SVIL: variants seen among roughly 807,000 people sequenced by gnomAD.
SVIL encodes the protein archvillin.
Under a neutral mutation model 240.4 loss-of-function variants are expected in SVIL, and 101 were observed. The observed-to-expected ratio is 0.42, with a 90% confidence interval of 0.36 to 0.50. The LOEUF (loss-of-function observed/expected upper bound fraction) is 0.50, where lower values mean the gene tolerates loss of function less well. Ranked by LOEUF, SVIL falls within the 20% of genes least tolerant of loss-of-function variation. The pLI is 0.01. For missense variants in SVIL, 2,512 were observed against 2,818.7 expected, an observed-to-expected ratio of 0.89 and a Z score of 2.46; for synonymous variants, 999 against 1,100.0, an observed-to-expected ratio of 0.91 and a Z score of 1.82.
chr10:29,577,544 A>G (rs1232209329), intron 1 of SVIL, among the ~76,000 whole-genome samples: 1 of 152,228 alleles, frequency 6.6e-6, no homozygotes, highest in East Asian at 1.9e-4. Context: ...GAAGTATTCC[A>G]CAGTGTATAT....
At chr10:29,716,206 C>T (rs1963600725) in intron 1 of SVIL, among the ~76,000 whole-genome samples, 1 of 149,056 alleles carries the variant, frequency 6.7e-6, no homozygotes, top group Non-Finnish European at 1.5e-5. Context: ...TTTACACAGA[C>T]AGCACAAGTT....
intron 30 of SVIL, among the ~76,000 whole-genome samples, chr10:29,471,731 C>T (rs1009865133): frequency 3.3e-5 from 5 of 152,332 alleles, no homozygotes; most frequent in Admixed American, 1.3e-4. Flanking sequence ...TTAGAGAAGG[C>T]TCTTCCTTCA....
At chr10:29,501,087 T>C (rs1281412626) in intron 17 of SVIL, among the ~76,000 whole-genome samples, 20 of 152,110 alleles carry the variant, frequency 1.3e-4, no homozygotes, top group East Asian at 3.9e-4. Context: ...CTATAAAGCC[T>C]TCATAGCCAG....
Position 29,487,404 on chromosome 10 carries a change from C to T in SVIL, c.4349-105G>A, listed in dbSNP as rs1011293247. On this transcript the variant is annotated intron_variant, in intron 23 of 37. Transcript: ENST00000355867. ...GCGGACGCTTTCACTTCTAAAGAGT[C>T]TTGTCTGCTAATAAGAGTGCCCATG... 2.4e-6 allele frequency: 3 copies of T among 1,251,116 alleles called. No homozygotes were observed. The African/African-American group carries it at 4.5e-5, about 19-fold the overall frequency. 77.5% of individuals were successfully genotyped at this position (1,251,116 alleles called of 1,614,324 possible). A position where few individuals can be genotyped will look rare whatever the true frequency, so the allele number is the denominator to read the frequency against.
At chr10:29,494,267 A>C (rs1564514132) in intron 20 of SVIL, among the ~76,000 whole-genome samples, 1 of 152,092 alleles carries the variant, frequency 6.6e-6, no homozygotes, top group Non-Finnish European at 1.5e-5. Context: ...CCATGTGTGT[A>C]ATAAATGCGT....
chr10:29,519,897 C>T (rs1350944121), intron 16 of SVIL, among the ~76,000 whole-genome samples: 1 of 152,220 alleles, frequency 6.6e-6, no homozygotes, highest in East Asian at 1.9e-4. Context: ...CACTTCCGGG[C>T]TGTTCACAGA....
At chr10:29,522,264 T>C (rs1214821077) in intron 16 of SVIL, 146 bp downstream of exon 16, 7 of 834,584 alleles carry the variant, frequency 8.4e-6, no homozygotes, top group Middle Eastern at 2.4e-4. Flanking sequence ...CTCAGCTTCC[T>C]AGAATTACTC....
At chr10:29,496,623 C>T in intron 18 of SVIL, 2 of 267,188 alleles carry the variant, frequency 7.5e-6, no homozygotes, top group South Asian at 6.8e-5. Context: ...GCTAAGGATC[C>T]TTAGGGAATG....
chr10:29,470,804 AT>A (rs1375286988), intron 31 of SVIL, among the ~76,000 whole-genome samples: 2 of 151,894 alleles, frequency 1.3e-5, no homozygotes, highest in East Asian at 1.9e-4. Flanking sequence ...TAGAGCTAAG[AT>A]TTTTTTGGGG....
rs150768784 is a variant in SVIL at position 29,649,394 on chromosome 10, A to G, written c.-201+8575T>C. Among the ~76,000 whole-genome samples, 3 of 152,326 alleles carry G rather than the reference A, an allele frequency of 2.0e-5. No individual in the cohort carries two copies. In the East Asian group the frequency reaches 5.8e-4, roughly 29 times the overall value. On this transcript the variant is annotated intron_variant, in intron 3 of 35. Transcript: ENST00000375400. ...CCACGGCATGCCTCTTTCATATACAATAAAACACAACCAAGCAATTACAAC... is the reference window on the plus strand; with the variant it reads ...CCACGGCATGCCTCTTTCATATACAGTAAAACACAACCAAGCAATTACAAC...
Position 29,480,879 on chromosome 10 carries a change from A to T in SVIL, c.5101-66T>A, listed in dbSNP as rs1248295940. The T allele has an allele frequency of 2.0e-6, 3 of 1,533,268 alleles. No individual in the cohort carries two copies. The African/African-American group carries it at 4.1e-5, about 21-fold the overall frequency. The allele number at this position is 1,533,268 out of a possible 1,614,324, so 95.0% of individuals were successfully genotyped here. A position where few individuals can be genotyped will look rare whatever the true frequency, so the allele number is the denominator to read the frequency against. On this transcript the variant is annotated intron_variant, in intron 28 of 37. Coordinates refer to ENST00000355867, the MANE Select transcript of SVIL (RefSeq NM_021738.3). ...CTGCAGCTATTCCTTGTCATGCTCAATGCTGCTTCAGCTGTTCATGGGACA... is the reference window on the plus strand; with the variant it reads ...CTGCAGCTATTCCTTGTCATGCTCATTGCTGCTTCAGCTGTTCATGGGACA...
chr10:29,467,834 G>C lies in SVIL; in HGVS notation c.5885C>G (p.Thr1962Arg). ...EAGLHSSSKV[T>R]IHECDEGSEP... Reference sequence around the variant, plus strand: ...GGAGCCTTCATCACACTCGTGTATTGTGACTTTGCTGCTACTATGCAGTCC... The same window carrying C: ...GGAGCCTTCATCACACTCGTGTATTCTGACTTTGCTGCTACTATGCAGTCC... Residue 1962 changes from threonine (T) to arginine (R), a missense_variant, in exon 33 of 38, where the codon ACA becomes AGA. Transcript: ENST00000355867. The C allele has an allele frequency of 6.2e-7, 1 of 1,614,204 alleles. No individual in the cohort carries two copies. The highest frequency in any genetic ancestry group is 8.5e-7 in the Non-Finnish European group (1 of 1,180,026).
intron 1 of SVIL, among the ~76,000 whole-genome samples, chr10:29,579,781 G>A (rs989285561): frequency 6.6e-6 from 1 of 152,122 alleles, no homozygotes; most frequent in Non-Finnish European, 1.5e-5. Flanking sequence ...GAAAACGAGG[G>A]CAAAGCCAAG....
At position 29,470,313 on chromosome 10, in the gene SVIL, C is replaced by T. The variant is rs1945419787; in HGVS notation, c.5806G>A (p.Glu1936Lys). Residue 1936 changes from glutamate to lysine, a missense_variant, in exon 32 of 38, where the codon GAG (glutamate) becomes AAG (lysine). Physicochemically the swap from Glu to Lys is moderately conservative, Grantham distance 56. Coordinates refer to ENST00000355867, the MANE Select transcript of SVIL (RefSeq NM_021738.3). ...HGCKAQAHTK[E>K]VGRTAANKIK... Reference sequence around the variant, plus strand: ...TTGTTCGCAGCGGTCCTTCCGACCTCCTTCGTGTGGGCCTGGGCTTTGCAT... The same window carrying T: ...TTGTTCGCAGCGGTCCTTCCGACCTTCTTCGTGTGGGCCTGGGCTTTGCAT... The T allele has an allele frequency of 2.5e-6, 4 of 1,614,068 alleles. No individual in the cohort carries two copies. Among genetic ancestry groups the T allele is most frequent in the Non-Finnish European group, 3.4e-6 (4 of 1,180,040 alleles).
chr10:29,533,561 A>C (rs1045111311), intron 7 of SVIL, 103 bp from the exon 8 acceptor site: 1 of 1,454,958 alleles, frequency 6.9e-7, no homozygotes, highest in East Asian at 2.4e-5. Context: ...AACTGACCTG[A>C]GAGAGAATAA....
chr10:29,679,332 T>C (rs1960445346), intron 2 of SVIL, among the ~76,000 whole-genome samples: 1 of 152,208 alleles, frequency 6.6e-6, no homozygotes, highest in African/African-American at 2.4e-5. Flanking sequence ...AAATGACATA[T>C]ATTTGTGAGA....
At chr10:29,523,264 T>C (rs1458382190) in intron 15 of SVIL, among the ~76,000 whole-genome samples, 187 bp downstream of exon 15, 2 of 152,198 alleles carry the variant, frequency 1.3e-5, no homozygotes, top group South Asian at 2.1e-4. Context: ...AGTAGTTTTA[T>C]TGCTGAAAAC....
At chr10:29,699,401 C>A (rs1962332607) in intron 1 of SVIL, among the ~76,000 whole-genome samples, 1 of 152,150 alleles carries the variant, frequency 6.6e-6, no homozygotes, top group Admixed American at 6.5e-5. Flanking sequence ...TCCCTGGGTT[C>A]AAGCAATTCT....
rs74129742 is a variant in SVIL, at chr10:29,601,247, A to G, written c.-200-31935T>C. 3.9e-3 allele frequency among the ~76,000 whole-genome samples: 590 copies of G among 152,358 alleles called. 5 individuals are homozygous for G. Among genetic ancestry groups the G allele is most frequent in the African/African-American group, 0.013 (547 of 41,582 alleles). On this transcript the variant is annotated intron_variant, in intron 1 of 37. Transcript: ENST00000355867. ...TATTCACTTTGCTTTCCAAAATGCT[A>G]CATGCCACATTTTAACCTAAAACCA...
Sources: gnomAD v4.1 joint callset for allele counts (sites outside exome capture counted in the v4.1 genomes callset) on GRCh38, gnomAD v4.1.1 for gene constraint, MANE v1.5 for transcripts, NCBI Gene and HGNC (gene_info 2026-07-23, HGNC 2026-07-21) for gene names.